Variants in DOCK5 observed in about 807,000 individuals in gnomAD.
DOCK5 encodes the protein dedicator of cytokinesis protein 5.
A neutral mutation model predicts 251.8 loss-of-function variants in DOCK5; 142 were observed. That is an observed-to-expected ratio of 0.56 (90% CI 0.49 to 0.65). The LOEUF is 0.65. Ranked by LOEUF, DOCK5 falls within the 30% of genes least tolerant of loss-of-function variation. The pLI is 0.00. For synonymous variants in DOCK5, 842 were observed against 835.5 expected, an observed-to-expected ratio of 1.01 and a Z score of -0.13; for missense variants, 2,111 against 2,312.3, an observed-to-expected ratio of 0.91 and a Z score of 1.79.
intron 30 of DOCK5, among the ~76,000 whole-genome samples, chr8:25,365,143 G>A (rs1052233511): frequency 3.9e-5 from 6 of 152,192 alleles, no homozygotes; most frequent in East Asian, 1.9e-4. Context: ...ATTGCAAAAC[G>A]GATGACCGCT....
intron 18 of DOCK5, among the ~76,000 whole-genome samples, chr8:25,329,317 G>A (rs1330585971): frequency 1.3e-5 from 2 of 151,950 alleles, no homozygotes; most frequent in Non-Finnish European, 2.9e-5. Flanking sequence ...CACATTTCAA[G>A]TGCTCAGTAA....
chr8:25,266,985 A>G (rs1393459855), intron 2 of DOCK5, among the ~76,000 whole-genome samples: 1 of 152,210 alleles, frequency 6.6e-6, no homozygotes, highest in African/African-American at 2.4e-5. Flanking sequence ...TTGGCTTTAT[A>G]GGGCACAGAA....
chr8:25,340,970 G>A lies in DOCK5; in HGVS notation c.2421G>A (p.Glu807=). ...ATATGCTGATGGACAGGCCTCTGGAGGAAGCCGTCAAGATCAAGGTCAGCC... is the reference window on the plus strand; with the variant it reads ...ATATGCTGATGGACAGGCCTCTGGAAGAAGCCGTCAAGATCAAGGTCAGCC... The part of the protein sequence containing the change: ...AFNMLMDRPL[E]EAVKIKGAAL... Residue 807 remains glutamate (E), a synonymous_variant, in exon 23 of 52, where the codon GAG becomes GAA. Coordinates refer to ENST00000276440, the MANE Select transcript of DOCK5 (RefSeq NM_024940.8). 2 of 1,612,342 alleles carry A rather than the reference G, an allele frequency of 1.2e-6. No homozygotes were observed. Among genetic ancestry groups the A allele is most frequent in the Non-Finnish European group, 8.5e-7 (1 of 1,179,206 alleles).
intron 45 of DOCK5, among the ~76,000 whole-genome samples, chr8:25,399,693 G>A (rs766063334): frequency 3.3e-5 from 5 of 152,190 alleles, no homozygotes; most frequent in Admixed American, 2.0e-4. Context: ...TGTTAAGAAT[G>A]TAGTTTTGCT....
At chr8:25,285,907 C>G (rs1021685648) in intron 5 of DOCK5, among the ~76,000 whole-genome samples, 2 of 152,178 alleles carry the variant, frequency 1.3e-5, no homozygotes, top group African/African-American at 4.8e-5. Flanking sequence ...CTGATGGGCA[C>G]CAGACATGGG....
At chr8:25,226,473 A>G (rs1171269972) in intron 1 of DOCK5, among the ~76,000 whole-genome samples, 1 of 151,918 alleles carries the variant, frequency 6.6e-6, no homozygotes, top group Admixed American at 6.6e-5. Flanking sequence ...CATGTTGGCC[A>G]GGCTGGTCTC....
chr8:25,319,893 G>T (rs775644720), intron 15 of DOCK5, among the ~76,000 whole-genome samples: 3 of 152,226 alleles, frequency 2.0e-5, no homozygotes, highest in Non-Finnish European at 4.4e-5. Flanking sequence ...AGCAAAGCTT[G>T]TGGTTGACGT....
chr8:25,414,612 T>C lies in DOCK5; in HGVS notation c.*3314T>C, dbSNP rs372636694. Reference sequence around the variant, plus strand: ...TTAAAATTTAGATGGAACTCATGTATAGTTAAGTGCACAAATCTTAGCCGT... The same window carrying C: ...TTAAAATTTAGATGGAACTCATGTACAGTTAAGTGCACAAATCTTAGCCGT... On this transcript the variant is annotated 3_prime_UTR_variant, in exon 52 of 52. Transcript: ENST00000276440. 6.6e-6 allele frequency: 1 copy of C among 152,224 alleles called. No homozygotes were observed. The highest frequency in any genetic ancestry group is 1.5e-5 in the Non-Finnish European group (1 of 68,048). 9.4% of individuals were successfully genotyped at this position (152,224 alleles called of 1,614,324 possible).
At chr8:25,202,109 C>T (rs745396491) in intron 1 of DOCK5, among the ~76,000 whole-genome samples, 9 of 152,094 alleles carry the variant, frequency 5.9e-5, no homozygotes, top group Non-Finnish European at 1.2e-4. Context: ...CTCTGCCTCC[C>T]GGGTTCACGC....
chr8:25,384,422 ATAT>A (rs1370156483), intron 40 of DOCK5, among the ~76,000 whole-genome samples: 2 of 142,328 alleles, frequency 1.4e-5, no homozygotes, highest in Non-Finnish European at 3.1e-5. Context: ...TTATGTCTTA[ATAT>A]TATTATTTTA....
chr8:25,352,844 A>G (rs905831325), intron 27 of DOCK5, among the ~76,000 whole-genome samples: 2 of 152,150 alleles, frequency 1.3e-5, no homozygotes, highest in African/African-American at 4.8e-5. Context: ...AAAAATGAGC[A>G]GGATAAGGGA....
intron 1 of DOCK5, among the ~76,000 whole-genome samples, chr8:25,197,780 T>C (rs1445062180): frequency 3.2e-5 from 4 of 123,200 alleles, no homozygotes; most frequent in Middle Eastern, 5.4e-3. Flanking sequence ...AGACGGAGTC[T>C]CGCTCTGTCA....
chr8:25,331,911 T>C (rs1488581746), intron 18 of DOCK5, among the ~76,000 whole-genome samples: 1 of 151,860 alleles, frequency 6.6e-6, no homozygotes, highest in Non-Finnish European at 1.5e-5. Context: ...AGGGACAATT[T>C]AAATAAGGCA....
chr8:25,296,778 C>A, intron 7 of DOCK5, 130 bp downstream of exon 7: 1 of 1,180,554 alleles, frequency 8.5e-7, no homozygotes, highest in Non-Finnish European at 1.2e-6. Flanking sequence ...AAAAGTGAAA[C>A]ATAGCAGAAA....
intron 1 of DOCK5, among the ~76,000 whole-genome samples, chr8:25,215,081 G>T (rs533143487): frequency 5.9e-5 from 9 of 152,284 alleles, no homozygotes; most frequent in Middle Eastern, 3.4e-3. Flanking sequence ...TGCCTGTCCT[G>T]GAGCTGGGGG....
chr8:25,317,140 C>G lies in DOCK5; in HGVS notation c.1443+9C>G. On this transcript the variant is annotated intron_variant, in intron 14 of 51. Coordinates refer to ENST00000276440, the MANE Select transcript of DOCK5 (RefSeq NM_024940.8). ...AGGGCAAGCTCTTGGAGGTGCGCGG[C>G]ATGGCCCAGAAATCCTGCTACCATC... 6.2e-7 allele frequency: 1 copy of G among 1,611,866 alleles called. No individual in the cohort carries two copies. Among genetic ancestry groups the G allele is most frequent in the Non-Finnish European group, 8.5e-7 (1 of 1,178,466 alleles).
At chr8:25,337,492 T>C (rs1215085266) in intron 22 of DOCK5, among the ~76,000 whole-genome samples, 1 of 85,412 alleles carries the variant, frequency 1.2e-5, no homozygotes, top group Non-Finnish European at 2.2e-5. Context: ...AAAAAAATCT[T>C]ATCAGGTATG....
intron 18 of DOCK5, 68 bp downstream of exon 18, chr8:25,325,615 C>T: frequency 6.4e-7 from 1 of 1,570,200 alleles, no homozygotes; most frequent in African/African-American, 1.4e-5. Flanking sequence ...CTTGGTTAGG[C>T]TCACAGGGCT....
chr8:25,241,305 T>A (rs1370235283), intron 1 of DOCK5, among the ~76,000 whole-genome samples: 1 of 151,814 alleles, frequency 6.6e-6, no homozygotes, highest in African/African-American at 2.4e-5. Flanking sequence ...TGAAACCCCA[T>A]CTCTACTAAA....
Sources: allele counts gnomAD v4.1 joint callset (sites outside exome capture counted in the v4.1 genomes callset), GRCh38; gene constraint gnomAD v4.1.1; transcripts MANE v1.5; gene names NCBI Gene and HGNC (gene_info 2026-07-23, HGNC 2026-07-21).